The following AP3S2 variants were observed in gnomAD, a reference collection of about 807,000 sequenced individuals.
AP3S2 encodes the protein adaptor related protein complex 3 subunit sigma 2.
In AP3S2, 22 loss-of-function variants were observed where a neutral mutation model predicts 23.4. That is an observed-to-expected ratio of 0.94 (90% CI 0.67 to 1.34). AP3S2 has a LOEUF of 1.34. AP3S2 is among the 40% of genes most tolerant of loss of function. The pLI, the probability that AP3S2 is intolerant of heterozygous loss-of-function variation, is 0.00. For synonymous variants in AP3S2, 86 were observed against 87.1 expected (o/e 0.99, Z 0.07); for missense variants, 241 against 236.9 (o/e 1.02, Z -0.11).
chr15:89,877,206 G>A, intron 3 of AP3S2: 1 of 681,004 alleles, frequency 1.5e-6, no homozygotes, highest in South Asian at 1.4e-5. Context: ...TAGATGCTCA[G>A]TATGAAAAGG....
At chr15:89,892,125 AC>A (rs1896834283) in intron 1 of AP3S2, among the ~76,000 whole-genome samples, 1 of 152,336 alleles carries the variant, frequency 6.6e-6, no homozygotes, top group African/African-American at 2.4e-5. Flanking sequence ...CATGGCAGAC[AC>A]ACAAAAAACC....
chr15:89,880,277 T>G (rs1269767109), intron 3 of AP3S2, among the ~76,000 whole-genome samples: 1 of 152,226 alleles, frequency 6.6e-6, no homozygotes, highest in Admixed American at 6.5e-5. Context: ...TTGGGACCTT[T>G]ACAAATTATT....
chr15:89,857,980 A>G (rs1895880780), intron 4 of AP3S2, among the ~76,000 whole-genome samples: 1 of 152,216 alleles, frequency 6.6e-6, no homozygotes, highest in Non-Finnish European at 1.5e-5. Context: ...CCTGGACCTC[A>G]GAGGAACTAC....
At chr15:89,883,389 T>TAA (rs1896618051) in intron 3 of AP3S2, among the ~76,000 whole-genome samples, 1 of 152,080 alleles carries the variant, frequency 6.6e-6, no homozygotes, top group Non-Finnish European at 1.5e-5. Flanking sequence ...GAGTAAACAA[T>TAA]AAAAGATACT....
chr15:89,877,272 G>A (rs1042709354), intron 3 of AP3S2: 41 of 1,286,266 alleles, frequency 3.2e-5, no homozygotes, highest in Admixed American at 7.8e-5. Flanking sequence ...CATCTTCAAC[G>A]TGAGAAATGG....
intron 1 of AP3S2, 162 bp from the exon 2 acceptor site, chr15:89,889,302 T>A: frequency 1.4e-6 from 1 of 708,616 alleles, no homozygotes; most frequent in South Asian, 1.9e-5. Flanking sequence ...TAGGAGTGAA[T>A]CTATGAAAGA....
chr15:89,835,414 T>C lies in AP3S2; in HGVS notation c.*101A>G. ...ACACAAAGTTTCCAGGTCCTGAGGC[T>C]TGACTCTTCTAAGGCTCAAAATGGG... On this transcript the variant is annotated 3_prime_UTR_variant, in exon 6 of 6. Coordinates refer to ENST00000336418, the MANE Select transcript of AP3S2 (RefSeq NM_005829.5). 3 of 1,551,022 alleles carry C rather than the reference T, an allele frequency of 1.9e-6. No individual in the cohort carries two copies. The highest frequency in any genetic ancestry group is 4.5e-5 in the East Asian group (2 of 44,282).
chr15:89,860,891 C>A (rs16943661), intron 4 of AP3S2, among the ~76,000 whole-genome samples: 11,981 of 152,222 alleles, frequency 0.079, 775 homozygotes, highest in East Asian at 0.31. Flanking sequence ...TAACTCGCAC[C>A]TTTTACAAGA....
intron 3 of AP3S2, among the ~76,000 whole-genome samples, chr15:89,873,781 C>T (rs185386590): frequency 3.6e-4 from 55 of 151,644 alleles, no homozygotes; most frequent in African/African-American, 1.3e-3. Context: ...TGTTTAGCAC[C>T]CATTTAGCAA....
In AP3S2 at chr15:89,858,313, C is replaced by T. The variant is rs183883989; in HGVS notation, c.345+13162G>A. On this transcript the variant is annotated intron_variant, in intron 4 of 5. Coordinates refer to ENST00000336418, the MANE Select transcript of AP3S2 (RefSeq NM_005829.5). ...AAAACTAGCCGGGTGTGGTGGCGCA[C>T]GCCTATAATCCCAGCTAGGCAGGAG... 8.4e-4 allele frequency among the ~76,000 whole-genome samples: 127 copies of T among 151,950 alleles called. 1 individual carries two copies. The highest frequency in any genetic ancestry group is 1.6e-3 in the Non-Finnish European group (108 of 67,974).
Position 89,888,513 on chromosome 15 carries a change from A to G in AP3S2, c.273+8T>C. On this transcript the variant is annotated splice_region_variant and intron_variant, in intron 3 of 5. Coordinates refer to ENST00000336418, the MANE Select transcript of AP3S2 (RefSeq NM_005829.5). ...AAGCTGCTGCCATCATTAGCTGACT[A>G]CACATACCTGGATGAGGTCCAAGAT... is the stretch of plus-strand genomic sequence containing the variant. The G allele has an allele frequency of 6.2e-7, 1 of 1,613,738 alleles. No individual in the cohort carries two copies. The highest frequency in any genetic ancestry group is 8.5e-7 in the Non-Finnish European group (1 of 1,179,646).
At chr15:89,865,318 C>T (rs1896091993) in intron 4 of AP3S2, 1 of 152,084 alleles carries the variant, frequency 6.6e-6, no homozygotes. Context: ...TCCACTCACA[C>T]TTCATTAGCT....
At chr15:89,867,943 G>A (rs578245741) in intron 4 of AP3S2, among the ~76,000 whole-genome samples, 34 of 148,230 alleles carry the variant, frequency 2.3e-4, no homozygotes, top group East Asian at 2.1e-3. Context: ...CCCCCCACCC[G>A]GCCAGCCGCC....
At chr15:89,891,406 C>T (rs1013094323) in intron 1 of AP3S2, among the ~76,000 whole-genome samples, 1 of 152,188 alleles carries the variant, frequency 6.6e-6, no homozygotes, top group African/African-American at 2.4e-5. Flanking sequence ...CGCCTGTAAT[C>T]CCTGCACTTT....
chr15:89,893,719 C>T, intron 1 of AP3S2, 162 bp downstream of exon 1: 1 of 653,882 alleles, frequency 1.5e-6, no homozygotes, highest in South Asian at 2.0e-5. Flanking sequence ...GGCCTGGCAC[C>T]AGCCTGCGCC....
rs1264440248 is a variant in AP3S2 at position 89,833,125 on chromosome 15, G to C, written c.*2390C>G. The C allele has an allele frequency of 1.3e-5, 2 of 152,156 alleles. No individual in the cohort carries two copies. Among genetic ancestry groups the C allele is most frequent in the Non-Finnish European group, 2.9e-5 (2 of 68,046 alleles). 9.4% of individuals were successfully genotyped at this position (152,156 alleles called of 1,614,324 possible). On this transcript the variant is annotated 3_prime_UTR_variant, in exon 6 of 6. Coordinates refer to ENST00000336418, the MANE Select transcript of AP3S2 (RefSeq NM_005829.5). ...TAATGCATTAAACCACGTAACAAACGAACTCAAGAAGAGGGATGTGGCTCT... is the reference window on the plus strand; with the variant it reads ...TAATGCATTAAACCACGTAACAAACCAACTCAAGAAGAGGGATGTGGCTCT...
intron 4 of AP3S2, among the ~76,000 whole-genome samples, chr15:89,853,427 G>A (rs974896405): frequency 6.6e-6 from 1 of 152,176 alleles, no homozygotes; most frequent in African/African-American, 2.4e-5. Flanking sequence ...TACTACAAAA[G>A]AAAAATGACA....
intron 4 of AP3S2, among the ~76,000 whole-genome samples, chr15:89,860,210 G>A (rs1000902462): frequency 3.9e-5 from 6 of 152,186 alleles, no homozygotes; most frequent in African/African-American, 7.2e-5. Flanking sequence ...AAGACCCCCA[G>A]TGGATGCGTT....
At chr15:89,862,732 T>G (rs2141869072) in intron 4 of AP3S2, among the ~76,000 whole-genome samples, 1 of 152,284 alleles carries the variant, frequency 6.6e-6, no homozygotes, top group African/African-American at 2.4e-5. Flanking sequence ...AGACATATGC[T>G]GAAGCTGGCT....
Sources: allele counts gnomAD v4.1 joint callset (sites outside exome capture counted in the v4.1 genomes callset), GRCh38; gene constraint gnomAD v4.1.1; transcripts MANE v1.5; gene names NCBI Gene and HGNC (gene_info 2026-07-23, HGNC 2026-07-21).